The following TRIM36 variants were observed in gnomAD, a reference collection of about 807,000 sequenced individuals.
TRIM36 encodes the protein E3 ubiquitin-protein ligase TRIM36.
A neutral mutation model predicts 72.4 loss-of-function variants in TRIM36; 42 were observed. That is an observed-to-expected ratio of 0.58 (90% CI 0.45 to 0.75). The LOEUF is 0.75. TRIM36 is among the 30% of genes least tolerant of loss of function. The pLI is 0.00. For synonymous variants in TRIM36, 315 were observed against 282.8 expected (o/e 1.11, Z -1.14); for missense variants, 913 against 857.1 (o/e 1.07, Z -0.81).
chr5:115,179,908 C>T, intron 1 of TRIM36: 1 of 1,451,082 alleles, frequency 6.9e-7, no homozygotes, highest in Non-Finnish European at 9.4e-7. Context: ...CGGACGCCCA[C>T]AGTGGCGGGC....
At chr5:115,163,430 C>T in intron 2 of TRIM36, 88 bp downstream of exon 2, 1 of 1,161,718 alleles carries the variant, frequency 8.6e-7, no homozygotes, top group Middle Eastern at 2.3e-4. Flanking sequence ...CTCAAGATGA[C>T]AAAAATAATT....
intron 2 of TRIM36, among the ~76,000 whole-genome samples, chr5:115,161,090 C>A (rs1284220249): frequency 6.6e-6 from 1 of 152,038 alleles, no homozygotes; most frequent in Admixed American, 6.6e-5. Flanking sequence ...CCTTTGGGTG[C>A]TCTCTCTTTG....
Position 115,133,932 on chromosome 5 carries a change from C to G in TRIM36, c.1426G>C (p.Val476Leu). 1 of 1,613,564 alleles carries G rather than the reference C, an allele frequency of 6.2e-7. No individual in the cohort carries two copies. Among genetic ancestry groups the G allele is most frequent in the Non-Finnish European group, 8.5e-7 (1 of 1,179,840 alleles). The change falls in exon 8 of 10, where the codon GTA (valine) becomes CTA (leucine). Residue 476 changes from valine (V) to leucine (L), a missense_variant. By Grantham distance (32) the Val-to-Leu change is conservative. Coordinates refer to ENST00000513154, the MANE Select transcript of TRIM36 (RefSeq NM_001300759.2). The stretch of plus-strand genomic sequence containing the variant: ...CAGATTGAACCCTTGTAAGCTCTTA[C>G]TCTGAAAGCATAGGTACTACTGTTT... ...LENSSTYAFR[V>L]RAYKGSICSP...
upstream of TRIM36, among the ~76,000 whole-genome samples, chr5:115,170,176 A>G (rs1213411408): frequency 2.0e-5 from 3 of 150,458 alleles, no homozygotes; most frequent in South Asian, 4.2e-4. Context: ...CCGTCGCCCT[A>G]TGCCAGGCTG....
At chr5:115,160,644 C>G (rs2112898856) in intron 2 of TRIM36, among the ~76,000 whole-genome samples, 1 of 152,272 alleles carries the variant, frequency 6.6e-6, no homozygotes, top group South Asian at 2.1e-4. Context: ...CTGAAACCAG[C>G]CTAGGCAACA....
rs775441121 is a variant in TRIM36 at position 115,144,636 on chromosome 5, G to A, written c.697C>T (p.Arg233Cys). The change falls in exon 4 of 10, where the codon CGT (arginine) becomes TGT (cysteine). Residue 233 changes from arginine (R) to cysteine (C), a missense_variant. By Grantham distance (180) the Arg-to-Cys change is radical. Coordinates refer to ENST00000513154, the MANE Select transcript of TRIM36 (RefSeq NM_001300759.2). Reference sequence around the variant, plus strand: ...TAGGCACTGCTCATAGTGGTTACACGGTGGTTGGCATGATTACCACCCAAC... The same window carrying A: ...TAGGCACTGCTCATAGTGGTTACACAGTGGTTGGCATGATTACCACCCAAC... ...CKLGGNHANH[R>C]VTTMSSAYKT... 21 of 1,613,960 alleles carry A rather than the reference G, an allele frequency of 1.3e-5. No homozygotes were observed. Among genetic ancestry groups the A allele is most frequent in the Non-Finnish European group, 1.6e-5 (19 of 1,180,012 alleles).
upstream of TRIM36, among the ~76,000 whole-genome samples, chr5:115,170,518 G>A (rs907110032): frequency 2.1e-4 from 32 of 152,128 alleles, no homozygotes; most frequent in African/African-American, 7.5e-4. Flanking sequence ...TCCCTAGCCA[G>A]GCGCGGCCTG....
upstream of TRIM36, chr5:115,171,359 G>A (rs917322596): frequency 3.2e-6 from 4 of 1,265,096 alleles, no homozygotes; most frequent in Non-Finnish European, 4.3e-6. Flanking sequence ...TTCTGATCCG[G>A]ATTAATGCCC....
At position 115,168,522 on chromosome 5, in the gene TRIM36, T is replaced by C. The variant is rs1033039047; in HGVS notation, c.27+1086A>G. On this transcript the variant is annotated intron_variant, in intron 1 of 9. Transcript: ENST00000513154. ...TGTAATGAAATTTTAAAATGTATGC[T>C]AACCTATTCTCCCTAAAGTGACACC... is the stretch of plus-strand genomic sequence containing the variant. Among the ~76,000 whole-genome samples, 3 of 152,260 alleles carry C rather than the reference T, an allele frequency of 2.0e-5. No individual in the cohort carries two copies. In the East Asian group the frequency reaches 5.8e-4, roughly 29 times the overall value.
At chr5:115,131,763 A>G (rs1282609837) in intron 8 of TRIM36, among the ~76,000 whole-genome samples, 15 of 152,206 alleles carry the variant, frequency 9.9e-5, no homozygotes, top group Non-Finnish European at 2.2e-4. Flanking sequence ...AACATGGATA[A>G]ATAAGCCAGA....
intron 1 of TRIM36, among the ~76,000 whole-genome samples, chr5:115,166,361 A>G (rs1754774564): frequency 6.6e-6 from 1 of 152,114 alleles, no homozygotes; most frequent in Non-Finnish European, 1.5e-5. Context: ...GGTAAGAGCT[A>G]CCCACTTGGG....
chr5:115,174,958 C>T (rs1755268626), intron 1 of TRIM36, among the ~76,000 whole-genome samples: 1 of 152,008 alleles, frequency 6.6e-6, no homozygotes, highest in Admixed American at 6.6e-5. Flanking sequence ...GTTTTCTGGC[C>T]AACTTGAGGT....
chr5:115,135,034 C>T (rs1752890446), intron 7 of TRIM36, among the ~76,000 whole-genome samples: 1 of 145,276 alleles, frequency 6.9e-6, no homozygotes, highest in Non-Finnish European at 1.5e-5. Flanking sequence ...AGTATTTTCC[C>T]CCTCAATGGT....
intron 2 of TRIM36, among the ~76,000 whole-genome samples, chr5:115,152,025 TC>T (rs1157810527): frequency 1.3e-5 from 2 of 151,616 alleles, no homozygotes; most frequent in African/African-American, 4.9e-5. Context: ...CAAGAAGAAA[TC>T]CTTGATTTAC....
chr5:115,179,931 G>C, intron 1 of TRIM36: 1 of 1,584,660 alleles, frequency 6.3e-7, no homozygotes, highest in African/African-American at 1.3e-5. Context: ...GGTAGTGCCG[G>C]AGTCGGGGGC....
At chr5:115,145,466 C>T (rs1048196834) in intron 3 of TRIM36, among the ~76,000 whole-genome samples, 1 of 151,950 alleles carries the variant, frequency 6.6e-6, no homozygotes, top group Non-Finnish European at 1.5e-5. Context: ...TTAAAGATTC[C>T]AACAGATTAG....
chr5:115,130,471 A>T (rs1752615608), intron 9 of TRIM36, 121 bp downstream of exon 9: 1 of 1,165,128 alleles, frequency 8.6e-7, no homozygotes, highest in African/African-American at 1.6e-5. Flanking sequence ...CAATCAAGCC[A>T]CAGCCAAAAT....
chr5:115,169,121 C>A (rs923867850), intron 1 of TRIM36: 1 of 155,728 alleles, frequency 6.4e-6, no homozygotes, highest in South Asian at 2.1e-4. Context: ...TGACAGCTGC[C>A]GGGGCCCCGG....
At chr5:115,161,351 G>A (rs545871034) in intron 2 of TRIM36, among the ~76,000 whole-genome samples, 35 of 152,250 alleles carry the variant, frequency 2.3e-4, no homozygotes, top group African/African-American at 7.5e-4. Flanking sequence ...TGGAGATATG[G>A]CATGTGACAG....
Sources: allele counts gnomAD v4.1 joint callset (sites outside exome capture counted in the v4.1 genomes callset), GRCh38; gene constraint gnomAD v4.1.1; transcripts MANE v1.5; gene names NCBI Gene and HGNC (gene_info 2026-07-23, HGNC 2026-07-21).